The following SLC25A12 variants were observed in gnomAD, a reference collection of about 807,000 sequenced individuals.
The protein encoded by SLC25A12 is electrogenic aspartate/glutamate antiporter SLC25A12, mitochondrial.
A neutral mutation model predicts 83.3 loss-of-function variants in SLC25A12; 32 were observed. The observed-to-expected ratio is 0.38, with a 90% CI of 0.29 to 0.52. The LOEUF (loss-of-function observed/expected upper bound fraction) is 0.52, where lower values mean the gene tolerates loss of function less well. Among genes scored for constraint, SLC25A12 ranks in the 20% least tolerant of loss-of-function variants. The probability of loss-of-function intolerance (pLI) is 0.84; values close to 1 mark genes in which losing one functional copy is unlikely to be tolerated. For missense variants in SLC25A12, 611 were observed against 835.6 expected (o/e 0.73, Z 3.31); for synonymous variants, 267 against 291.1 (o/e 0.92, Z 0.84).
chr2:171,797,835 C>A (rs1307537381), intron 13 of SLC25A12, among the ~76,000 whole-genome samples: 1 of 152,114 alleles, frequency 6.6e-6, no homozygotes, highest in South Asian at 2.1e-4. Context: ...TGTAAATGGA[C>A]ATTGCTAAAT....
Position 171,844,423 on chromosome 2 carries a change from A to C in SLC25A12, c.411T>G (p.Phe137Leu). ...NWDCEFIRLH[F>L]GHNRKKHLNY... ...TAAGATGCTTCTTCCGGTTATGCCCAAAATGCAGTCGGATAAATTCACAAT... is the reference window on the plus strand; with the variant it reads ...TAAGATGCTTCTTCCGGTTATGCCCCAAATGCAGTCGGATAAATTCACAAT... The change falls in exon 5 of 18, where the codon TTT (phenylalanine) becomes TTG (leucine). Residue 137 changes from phenylalanine (F) to leucine (L), a missense_variant. Phe to Leu is a conservative substitution (Grantham distance 22). Around this residue, in one of 3 missense-constraint regions of SLC25A12, gnomAD observed 540 missense variants for 777.5 expected, o/e 0.69. Coordinates refer to ENST00000422440, the MANE Select transcript of SLC25A12 (RefSeq NM_003705.5). 1.2e-6 allele frequency: 2 copies of C among 1,614,044 alleles called. No individual in the cohort carries two copies. The highest frequency in any genetic ancestry group is 2.2e-5 in the South Asian group (2 of 91,082).
chr2:171,826,757 G>A, intron 9 of SLC25A12, 41 bp downstream of exon 9: 1 of 1,120,916 alleles, frequency 8.9e-7, no homozygotes, highest in Non-Finnish European at 1.4e-6. Flanking sequence ...TACTAGTTCA[G>A]CATTTTTTTA....
At chr2:171,789,435 A>G (rs1292895290) in intron 15 of SLC25A12, among the ~76,000 whole-genome samples, 3 of 151,998 alleles carry the variant, frequency 2.0e-5, no homozygotes, top group East Asian at 1.9e-4. Flanking sequence ...TCACCGTGTT[A>G]GCCAGGATGG....
chr2:171,810,176 A>T, intron 12 of SLC25A12, 48 bp downstream of exon 12: 2 of 1,532,070 alleles, frequency 1.3e-6, no homozygotes, highest in Non-Finnish European at 1.8e-6. Flanking sequence ...TTTTTGGCTT[A>T]ATGGTAATCT....
At chr2:171,874,850 A>G (rs1020618412) in intron 2 of SLC25A12, among the ~76,000 whole-genome samples, 1 of 152,190 alleles carries the variant, frequency 6.6e-6, no homozygotes. Flanking sequence ...GCAGGAGAAC[A>G]GGGTCTGGAG....
intron 5 of SLC25A12, among the ~76,000 whole-genome samples, chr2:171,843,285 T>A (rs1487916853): frequency 6.6e-6 from 1 of 152,216 alleles, no homozygotes; most frequent in East Asian, 1.9e-4. Context: ...GGTTTGAGAA[T>A]GACTTAGTAT....
At chr2:171,854,345 G>A (rs1390113244) in intron 4 of SLC25A12, among the ~76,000 whole-genome samples, 1 of 152,150 alleles carries the variant, frequency 6.6e-6, no homozygotes, top group Non-Finnish European at 1.5e-5. Flanking sequence ...GAGACAGACG[G>A]ATCATGAGGT....
chr2:171,810,299 C>A (rs377668472), intron 11 of SLC25A12, 23 bp from the exon 12 acceptor site: 1 of 1,600,556 alleles, frequency 6.2e-7, no homozygotes, highest in African/African-American at 1.3e-5. Context: ...ACAGAATCAT[C>A]AGCAATATAG....
intron 2 of SLC25A12, among the ~76,000 whole-genome samples, chr2:171,886,627 A>C (rs968714841): frequency 1.3e-5 from 2 of 151,674 alleles, no homozygotes; most frequent in Non-Finnish European, 2.9e-5. Context: ...CTCCTGCCTC[A>C]GCCTCCCGAG....
rs1684570475 is a variant in SLC25A12 at position 171,836,950 on chromosome 2, ACACACACATG to A, written c.612+161_612+170del. Among the ~76,000 whole-genome samples the A allele has an allele frequency of 2.1e-5, 3 of 146,160 alleles. No homozygotes were observed. In the South Asian group the frequency reaches 7.0e-4, roughly 34 times the overall value. On this transcript the variant is annotated intron_variant, in intron 6 of 17. Transcript: ENST00000422440. ...CACACATACATACATTCACGTACAC[ACACACACATG>A]CACACACACACACACACACACACAA...
chr2:171,878,658 G>A (rs1685620618), intron 2 of SLC25A12, among the ~76,000 whole-genome samples: 1 of 151,992 alleles, frequency 6.6e-6, no homozygotes, highest in African/African-American at 2.4e-5. Context: ...CCATTACTTT[G>A]TTCCAACTGA....
intron 13 of SLC25A12, among the ~76,000 whole-genome samples, chr2:171,802,192 TG>T (rs942506050): frequency 2.3e-3 from 346 of 152,206 alleles, no homozygotes; most frequent in African/African-American, 8.0e-3. Context: ...TTTGTAGAGA[TG>T]GGGGGTCCCA....
At chr2:171,787,682 C>CA in intron 16 of SLC25A12, 21 bp from the exon 17 acceptor site, 3 of 1,611,568 alleles carry the variant, frequency 1.9e-6, no homozygotes, top group Non-Finnish European at 2.5e-6. Context: ...GAAGCAGGGG[C>CA]AGGGGAGACT....
intron 3 of SLC25A12, among the ~76,000 whole-genome samples, chr2:171,865,218 C>T (rs1685260666): frequency 6.6e-6 from 1 of 152,082 alleles, no homozygotes; most frequent in South Asian, 2.1e-4. Flanking sequence ...ACTCGTTCTG[C>T]TCAGATTATT....
intron 2 of SLC25A12, among the ~76,000 whole-genome samples, chr2:171,878,727 TA>T (rs1685622848): frequency 6.6e-6 from 1 of 152,236 alleles, no homozygotes; most frequent in African/African-American, 2.4e-5. Context: ...CAAATGACAA[TA>T]TCATGAAGTT....
intron 9 of SLC25A12, among the ~76,000 whole-genome samples, chr2:171,817,645 C>T (rs1036839132): frequency 2.7e-5 from 4 of 147,092 alleles, no homozygotes; most frequent in Admixed American, 1.4e-4. Flanking sequence ...TGTTATTTCC[C>T]CCACTTAGAG....
At chr2:171,862,131 A>T (rs1685176536) in intron 3 of SLC25A12, among the ~76,000 whole-genome samples, 2 of 152,194 alleles carry the variant, frequency 1.3e-5, no homozygotes, top group African/African-American at 4.8e-5. Context: ...TGTAACATAA[A>T]GGAAAACACT....
At chr2:171,892,852 C>T (rs1685972436) in intron 2 of SLC25A12, among the ~76,000 whole-genome samples, 2 of 152,062 alleles carry the variant, frequency 1.3e-5, no homozygotes, top group Admixed American at 1.3e-4. Context: ...AAACATGCAA[C>T]TTTCAAGGAA....
At chr2:171,823,386 G>T (rs1323681095) in intron 9 of SLC25A12, among the ~76,000 whole-genome samples, 2 of 152,126 alleles carry the variant, frequency 1.3e-5, no homozygotes, top group East Asian at 3.9e-4. Context: ...CTTTATTAAA[G>T]GGAAAACTGA....
Sources: allele counts gnomAD v4.1 joint callset (sites outside exome capture counted in the v4.1 genomes callset), GRCh38; gene constraint gnomAD v4.1.1; regional missense constraint gnomAD v4.1.1; transcripts MANE v1.5; gene names NCBI Gene and HGNC (gene_info 2026-07-23, HGNC 2026-07-21).